The following PARP11 variants were observed in gnomAD, a reference collection of about 807,000 sequenced individuals.
The protein encoded by PARP11 is protein mono-ADP-ribosyltransferase PARP11.
PARP11 carries 31 observed loss-of-function variants against 42.9 expected under a neutral mutation model. That is an observed-to-expected ratio of 0.72 (90% CI 0.54 to 0.98). The LOEUF is 0.98. Among genes scored for constraint, PARP11 ranks in the 50% least tolerant of loss-of-function variants. The pLI, the probability that PARP11 is intolerant of heterozygous loss-of-function variation, is 0.00. For missense variants in PARP11, 365 were observed against 413.1 expected (o/e 0.88, Z 1.01); for synonymous variants, 137 against 127.3 (o/e 1.08, Z -0.51).
At chr12:3,871,188 G>T (rs1338143065) in intron 1 of PARP11, among the ~76,000 whole-genome samples, 1 of 152,164 alleles carries the variant, frequency 6.6e-6, no homozygotes, top group Non-Finnish European at 1.5e-5. Flanking sequence ...GAGAGGGGAA[G>T]AATACTGATT....
intron 1 of PARP11, among the ~76,000 whole-genome samples, chr12:3,854,352 G>GT (rs1347316751): frequency 2.0e-5 from 3 of 152,082 alleles, no homozygotes; most frequent in African/African-American, 7.2e-5. Flanking sequence ...CCAGGAGCTG[G>GT]TTTTTGAAAA....
chr12:3,826,731 T>C (rs1228941932), intron 3 of PARP11, among the ~76,000 whole-genome samples: 1 of 152,230 alleles, frequency 6.6e-6, no homozygotes, highest in Admixed American at 6.5e-5. Context: ...TCTTTAATTA[T>C]ATAACTAAAC....
chr12:3,835,825 CATT>C (rs1388798134), intron 1 of PARP11, among the ~76,000 whole-genome samples: 1 of 151,818 alleles, frequency 6.6e-6, no homozygotes, highest in African/African-American at 2.4e-5. Flanking sequence ...AATTAATAGA[CATT>C]ATGTAACAGA....
At chr12:3,824,550 T>G in intron 4 of PARP11, 1 of 582,766 alleles carries the variant, frequency 1.7e-6, no homozygotes, top group Non-Finnish European at 2.2e-6. Context: ...TATCAGCACC[T>G]ACTGACCTTC....
At chr12:3,832,565 C>G (rs73045065) in intron 1 of PARP11, among the ~76,000 whole-genome samples, 1 of 152,126 alleles carries the variant, frequency 6.6e-6, no homozygotes, top group African/African-American at 2.4e-5. Flanking sequence ...TAAAAAGATG[C>G]ATTTTATAAG....
chr12:3,867,839 T>C (rs1948416898), intron 1 of PARP11, among the ~76,000 whole-genome samples: 2 of 152,220 alleles, frequency 1.3e-5, no homozygotes, highest in African/African-American at 4.8e-5. Flanking sequence ...GTTGAAACAT[T>C]CACCCTAATA....
Position 3,830,066 on chromosome 12 carries a change from A to G in PARP11, c.19-48T>C, listed in dbSNP as rs749448493. On this transcript the variant is annotated intron_variant, in intron 1 of 7. Transcript: ENST00000228820. ...AGGAAGAAATAATTCTATTAATAAC[A>G]AGTATACTTTTTACAGATCATTTTA... 14 of 1,568,996 alleles carry G rather than the reference A, an allele frequency of 8.9e-6. No individual in the cohort carries two copies. In the Admixed American group the frequency reaches 2.2e-4, roughly 24 times the overall value.
chr12:3,867,702 C>G (rs186819890), intron 1 of PARP11, among the ~76,000 whole-genome samples: 221 of 152,266 alleles, frequency 1.5e-3, no homozygotes, highest in African/African-American at 5.1e-3. Context: ...ACTGATTACA[C>G]TATTGTGTGT....
At chr12:3,860,365 C>T (rs1411284057) in intron 1 of PARP11, among the ~76,000 whole-genome samples, 1 of 152,156 alleles carries the variant, frequency 6.6e-6, no homozygotes, top group Non-Finnish European at 1.5e-5. Flanking sequence ...CAGAGATCAT[C>T]CGGGATGCTT....
chr12:3,819,508 CAA>C (rs1409024413), intron 6 of PARP11, among the ~76,000 whole-genome samples: 1 of 152,124 alleles, frequency 6.6e-6, no homozygotes, highest in Non-Finnish European at 1.5e-5. Context: ...TATTAACAAT[CAA>C]AAATGACTCC....
At chr12:3,817,487 TCA>T (rs1380822550) in intron 6 of PARP11, among the ~76,000 whole-genome samples, 3 of 152,110 alleles carry the variant, frequency 2.0e-5, no homozygotes, top group African/African-American at 4.8e-5. Context: ...ATGCGGACAT[TCA>T]CAGACTATGA....
chr12:3,862,138 T>A (rs1034458747), intron 1 of PARP11, among the ~76,000 whole-genome samples: 3 of 151,818 alleles, frequency 2.0e-5, no homozygotes, highest in Non-Finnish European at 4.4e-5. Flanking sequence ...TTGAAAAAGA[T>A]TTTTCTCAGC....
chr12:3,827,925 C>T (rs1947560276), intron 3 of PARP11, among the ~76,000 whole-genome samples: 1 of 152,164 alleles, frequency 6.6e-6, no homozygotes, highest in African/African-American at 2.4e-5. Context: ...AAGAAAGCCT[C>T]CCATCCAGGT....
At chr12:3,871,419 T>G (rs112912961) in intron 1 of PARP11, among the ~76,000 whole-genome samples, 1 of 152,232 alleles carries the variant, frequency 6.6e-6, no homozygotes, top group Non-Finnish European at 1.5e-5. Context: ...TTCCATTGTG[T>G]TACGAATGCC....
chr12:3,831,875 T>C (rs533137884), intron 1 of PARP11, among the ~76,000 whole-genome samples: 2 of 152,218 alleles, frequency 1.3e-5, no homozygotes, highest in Admixed American at 1.3e-4. Flanking sequence ...TTAATGTTCA[T>C]TTCATTGGGC....
intron 6 of PARP11, among the ~76,000 whole-genome samples, chr12:3,821,539 T>C (rs1454072101): frequency 6.6e-6 from 1 of 152,202 alleles, no homozygotes; most frequent in Non-Finnish European, 1.5e-5. Flanking sequence ...CAAAACAGTG[T>C]TTGCAGAGAC....
Position 3,811,947 on chromosome 12 carries a change from C to G in PARP11, c.*176G>C, listed in dbSNP as rs994987852. The G allele has an allele frequency of 1.9e-6, 1 of 538,522 alleles. No individual in the cohort carries two copies. Among genetic ancestry groups the G allele is most frequent in the Non-Finnish European group, 3.2e-6 (1 of 308,868 alleles). 33.4% of individuals were successfully genotyped at this position (538,522 alleles called of 1,614,324 possible). A position where few individuals can be genotyped will look rare whatever the true frequency, so the allele number is the denominator to read the frequency against. Reference sequence around the variant, plus strand: ...CAAGACTACAAGAAACAGGCAAAAACAAAACAACAAAAACCAACCTTGAAG... The same window carrying G: ...CAAGACTACAAGAAACAGGCAAAAAGAAAACAACAAAAACCAACCTTGAAG... On this transcript the variant is annotated 3_prime_UTR_variant, in exon 8 of 8. Transcript: ENST00000228820.
chr12:3,839,662 C>T (rs1451268269), intron 1 of PARP11: 3 of 968,090 alleles, frequency 3.1e-6, no homozygotes, highest in Non-Finnish European at 3.4e-6. Flanking sequence ...TATAACTAAT[C>T]TGGAACCTAA....
At chr12:3,845,847 G>A (rs970642950) in intron 1 of PARP11, among the ~76,000 whole-genome samples, 1 of 152,176 alleles carries the variant, frequency 6.6e-6, no homozygotes, top group Non-Finnish European at 1.5e-5. Flanking sequence ...ACAAGTTTTA[G>A]AAAATCTTAG....
Sources: gnomAD v4.1 joint callset for allele counts (sites outside exome capture counted in the v4.1 genomes callset) on GRCh38, gnomAD v4.1.1 for gene constraint, MANE v1.5 for transcripts, NCBI Gene and HGNC (gene_info 2026-07-23, HGNC 2026-07-21) for gene names.